Variants in TRPM3 observed in about 807,000 individuals in gnomAD.
TRPM3 encodes long transient receptor potential channel 3.
A neutral mutation model predicts 181.2 loss-of-function variants in TRPM3; 77 were observed. The ratio of observed to expected loss-of-function variants is 0.42; its 90% CI spans 0.35 to 0.51. The LOEUF (loss-of-function observed/expected upper bound fraction) is 0.51, where lower values mean the gene tolerates loss of function less well. Among genes scored for constraint, TRPM3 ranks in the 20% least tolerant of loss-of-function variants. The pLI is 0.01. For synonymous variants in TRPM3, 745 were observed against 796.4 expected (o/e 0.94, Z 1.09); for missense variants, 1,759 against 2,196.7 (o/e 0.80, Z 3.98).
At position 70,536,228 on chromosome 9, in the gene TRPM3, C is replaced by T. The variant is rs958518968; in HGVS notation, c.4885G>A (p.Asp1629Asn). ...TTGGACAGGGTTCTCTCTGAGTTAT[C>T]ACCCTCCTGGGAGGATATTGCAATG... ...ATIAISSQEG[D>N]NSERTLSNNI... The change falls in exon 26 of 26, where the codon GAT (aspartate) becomes AAT (asparagine). Residue 1629 changes from aspartate (D) to asparagine (N), a missense_variant. Around this residue, in one of 8 missense-constraint regions of TRPM3, gnomAD observed 612 missense variants for 590.0 expected, o/e 1.04. Transcript: ENST00000677713. The T allele has an allele frequency of 1.2e-6, 2 of 1,614,108 alleles. No individual in the cohort carries two copies. The highest frequency in any genetic ancestry group is 2.7e-5 in the African/African-American group (2 of 74,938).
At chr9:70,944,912 A>C (rs2096918336) in intron 1 of TRPM3, among the ~76,000 whole-genome samples, 1 of 152,136 alleles carries the variant, frequency 6.6e-6, no homozygotes, top group Non-Finnish European at 1.5e-5. Flanking sequence ...AACCACATAA[A>C]AGCCTCAGTA....
chr9:70,649,994 C>T (rs893986461), intron 9 of TRPM3, among the ~76,000 whole-genome samples: 3 of 152,162 alleles, frequency 2.0e-5, no homozygotes, highest in Non-Finnish European at 4.4e-5. Context: ...AGAATGAAAT[C>T]GTGTCCTTTG....
intron 1 of TRPM3, among the ~76,000 whole-genome samples, chr9:71,369,715 T>A (rs1209682918): frequency 6.6e-6 from 1 of 152,182 alleles, no homozygotes; most frequent in African/African-American, 2.4e-5. Context: ...GGGTTATGGT[T>A]GACTAGGTGT....
At chr9:71,249,693 T>C (rs933709058) in intron 1 of TRPM3, among the ~76,000 whole-genome samples, 1 of 152,136 alleles carries the variant, frequency 6.6e-6, no homozygotes, top group Admixed American at 6.5e-5. Context: ...TAAAAAATGT[T>C]CACAACAAAT....
intron 1 of TRPM3, among the ~76,000 whole-genome samples, chr9:70,885,227 T>C (rs1471903616): frequency 6.6e-6 from 1 of 152,184 alleles, no homozygotes; most frequent in African/African-American, 2.4e-5. Flanking sequence ...ACATTGGGTA[T>C]TATTGACTAT....
chr9:70,544,250 A>G (rs1391435511), intron 25 of TRPM3, among the ~76,000 whole-genome samples: 1 of 152,158 alleles, frequency 6.6e-6, no homozygotes, highest in Admixed American at 6.5e-5. Context: ...ATTTGACACA[A>G]ATTCTGGGCA....
intron 1 of TRPM3, among the ~76,000 whole-genome samples, chr9:71,201,878 G>A (rs1031097000): frequency 6.6e-6 from 1 of 152,226 alleles, no homozygotes; most frequent in African/African-American, 2.4e-5. Context: ...GTGAGGAACT[G>A]CGTTCCTTTG....
At chr9:70,837,374 G>T (rs2094392363) in intron 5 of TRPM3, among the ~76,000 whole-genome samples, 1 of 152,144 alleles carries the variant, frequency 6.6e-6, no homozygotes, top group Non-Finnish European at 1.5e-5. Context: ...AAAACTTGGA[G>T]AAATAAATCT....
intron 25 of TRPM3, among the ~76,000 whole-genome samples, chr9:70,541,175 GC>G (rs1430640147): frequency 1.3e-5 from 2 of 152,114 alleles, no homozygotes; most frequent in Non-Finnish European, 2.9e-5. Context: ...CATGGTGAGA[GC>G]CCCAAGAGTG....
rs74911751 is a variant in TRPM3, at chr9:71,119,834, C to T, written c.177+1344G>A. On this transcript the variant is annotated intron_variant, in intron 1 of 25. Coordinates refer to ENST00000677713, the MANE Select transcript of TRPM3 (RefSeq NM_001366145.2). Reference sequence around the variant, plus strand: ...CCCTATCACACATGTTGTTACAACACAGCAAAAACACACATATCCAAGGAA... The same window carrying T: ...CCCTATCACACATGTTGTTACAACATAGCAAAAACACACATATCCAAGGAA... Among the ~76,000 whole-genome samples the T allele has an allele frequency of 1.2e-4, 18 of 152,278 alleles. No individual in the cohort carries two copies. In the East Asian group the frequency reaches 3.3e-3, roughly 28 times the overall value.
rs149031085 is a variant in TRPM3 at position 70,919,521 on chromosome 9, C to T, written c.178-55010G>A. Among the ~76,000 whole-genome samples the T allele has an allele frequency of 6.0e-3, 917 of 152,288 alleles. 7 individuals are homozygous for T. The highest frequency in any genetic ancestry group is 8.4e-3 in the Non-Finnish European group (571 of 68,014). On this transcript the variant is annotated intron_variant, in intron 1 of 25. Coordinates refer to ENST00000677713, the MANE Select transcript of TRPM3 (RefSeq NM_001366145.2). Reference sequence around the variant, plus strand: ...CATCCTGGCCAGGCACGGTGGTTCACACCTGTAATCCCAGCACTTTGGGAC... The same window carrying T: ...CATCCTGGCCAGGCACGGTGGTTCATACCTGTAATCCCAGCACTTTGGGAC...
At chr9:71,102,223 C>T (rs1241606697) in intron 1 of TRPM3, among the ~76,000 whole-genome samples, 2 of 152,114 alleles carry the variant, frequency 1.3e-5, no homozygotes, top group Non-Finnish European at 2.9e-5. Flanking sequence ...TTGAAACCAC[C>T]CGTCCTGGAA....
chr9:71,246,169 A>C (rs1309237529), intron 1 of TRPM3, among the ~76,000 whole-genome samples: 1 of 152,222 alleles, frequency 6.6e-6, no homozygotes, highest in Non-Finnish European at 1.5e-5. Flanking sequence ...ATGGGTACAA[A>C]AGCAATTCAA....
intron 1 of TRPM3, among the ~76,000 whole-genome samples, chr9:71,297,911 T>C (rs182921363): frequency 4.7e-4 from 71 of 152,216 alleles, no homozygotes; most frequent in Admixed American, 1.9e-3. Flanking sequence ...TTATGGACAA[T>C]AAAAGGTGAA....
chr9:71,244,568 C>A (rs1334705465), intron 1 of TRPM3, among the ~76,000 whole-genome samples: 2 of 152,200 alleles, frequency 1.3e-5, no homozygotes, highest in African/African-American at 2.4e-5. Flanking sequence ...ATCAAAAACC[C>A]ATTGGGAACC....
chr9:70,886,972 A>G (rs1460898477), intron 1 of TRPM3, among the ~76,000 whole-genome samples: 1 of 152,190 alleles, frequency 6.6e-6, no homozygotes, highest in East Asian at 1.9e-4. Flanking sequence ...GAGAGTCAAC[A>G]CTTATAACTG....
At chr9:71,211,314 G>A (rs1003716490) in intron 1 of TRPM3, among the ~76,000 whole-genome samples, 8 of 151,088 alleles carry the variant, frequency 5.3e-5, no homozygotes, top group African/African-American at 1.5e-4. Context: ...AAAACCCTTT[G>A]AAATTCATTC....
intron 1 of TRPM3, among the ~76,000 whole-genome samples, chr9:71,301,824 T>C (rs2086802013): frequency 6.6e-6 from 1 of 152,172 alleles, no homozygotes; most frequent in Non-Finnish European, 1.5e-5. Flanking sequence ...TGAAACACTA[T>C]ATACACATAA....
At chr9:70,862,856 G>A in intron 3 of TRPM3, 52 bp downstream of exon 3, 3 of 1,577,310 alleles carry the variant, frequency 1.9e-6, no homozygotes, top group Non-Finnish European at 2.6e-6. Flanking sequence ...CCCTTTGCAG[G>A]ACTTGAGACT....
Sources: allele counts gnomAD v4.1 joint callset (sites outside exome capture counted in the v4.1 genomes callset), GRCh38; gene constraint gnomAD v4.1.1; regional missense constraint gnomAD v4.1.1; transcripts MANE v1.5; gene names NCBI Gene and HGNC (gene_info 2026-07-23, HGNC 2026-07-21).